SDHAF3: variants seen among roughly 807,000 people sequenced by gnomAD.
The protein encoded by SDHAF3 is succinate dehydrogenase complex assembly factor 3, also known as succinate dehydrogenase assembly factor 3, mitochondrial.
SDHAF3 carries 18 observed loss-of-function variants against 11.5 expected under a neutral mutation model. That is an observed-to-expected ratio of 1.56 (90% CI 1.08 to 2.32). The LOEUF is 2.32. Ranked by LOEUF, SDHAF3 falls within the 30% of genes most tolerant of loss-of-function variation. The pLI is 0.00. For synonymous variants in SDHAF3, 72 were observed against 59.3 expected (o/e 1.21, Z -0.99); for missense variants, 200 against 154.4 (o/e 1.30, Z -1.57).
At chr7:97,131,734 GC>G (rs1562820863) in intron 1 of SDHAF3, among the ~76,000 whole-genome samples, 1 of 152,120 alleles carries the variant, frequency 6.6e-6, no homozygotes, top group Non-Finnish European at 1.5e-5. Flanking sequence ...AACTTATTTA[GC>G]TCAATAGGAA....
chr7:97,181,259 C>T lies in SDHAF3; in HGVS notation c.*44C>T, dbSNP rs1789770210. Reference sequence around the variant, plus strand: ...ATAAGACATGCAAAAATTTAGAACCCCTACTTTAACTGTCATTGGTTTTTG... The same window carrying T: ...ATAAGACATGCAAAAATTTAGAACCTCTACTTTAACTGTCATTGGTTTTTG... On this transcript the variant is annotated 3_prime_UTR_variant, in exon 2 of 2. Transcript: ENST00000432641. 7.1e-7 allele frequency: 1 copy of T among 1,405,994 alleles called. No individual in the cohort carries two copies. Among genetic ancestry groups the T allele is most frequent in the Non-Finnish European group, 9.8e-7 (1 of 1,023,706 alleles). 87.1% of individuals were successfully genotyped at this position (1,405,994 alleles called of 1,614,324 possible). A position where few individuals can be genotyped will look rare whatever the true frequency, so the allele number is the denominator to read the frequency against.
intron 1 of SDHAF3, among the ~76,000 whole-genome samples, chr7:97,119,073 T>G (rs761791914): frequency 3.3e-5 from 5 of 152,198 alleles, no homozygotes; most frequent in Non-Finnish European, 7.3e-5. Flanking sequence ...GATCACATAA[T>G]TTTTCTAGTC....
chr7:97,165,946 A>C (rs925574491), intron 1 of SDHAF3, among the ~76,000 whole-genome samples: 3 of 152,184 alleles, frequency 2.0e-5, no homozygotes, highest in Non-Finnish European at 4.4e-5. Context: ...CATCAACAGT[A>C]AGAAGTCTGC....
chr7:97,170,730 C>A (rs1025912167), intron 1 of SDHAF3, among the ~76,000 whole-genome samples: 1 of 152,002 alleles, frequency 6.6e-6, no homozygotes, highest in Non-Finnish European at 1.5e-5. Flanking sequence ...CTGGGAGTCA[C>A]AGGTGAATCT....
Position 97,143,914 on chromosome 7 carries a change from G to A in SDHAF3, c.174+26017G>A, listed in dbSNP as rs1789094998. Among the ~76,000 whole-genome samples the A allele has an allele frequency of 2.6e-5, 4 of 152,204 alleles. No homozygotes were observed. The South Asian group carries it at 8.3e-4, about 31-fold the overall frequency. On this transcript the variant is annotated intron_variant, in intron 1 of 1. Coordinates refer to ENST00000432641, the MANE Select transcript of SDHAF3 (RefSeq NM_020186.3). Reference sequence around the variant, plus strand: ...TAATTCTTTAAGGAATCTCCACAGTGTTTTCCATAGTGGCTGTACTGGTTT... The same window carrying A: ...TAATTCTTTAAGGAATCTCCACAGTATTTTCCATAGTGGCTGTACTGGTTT...
At chr7:97,129,468 T>C (rs1202346188) in intron 1 of SDHAF3, among the ~76,000 whole-genome samples, 1 of 152,204 alleles carries the variant, frequency 6.6e-6, no homozygotes, top group Non-Finnish European at 1.5e-5. Context: ...TGTTCTCTAG[T>C]CATTATGGAT....
intron 1 of SDHAF3, among the ~76,000 whole-genome samples, chr7:97,160,821 C>T (rs1291347338): frequency 3.3e-5 from 5 of 152,134 alleles, no homozygotes; most frequent in Non-Finnish European, 7.3e-5. Context: ...GGAGAACAGT[C>T]AGTGTAGGCA....
At chr7:97,176,375 C>T (rs1163371344) in intron 1 of SDHAF3, among the ~76,000 whole-genome samples, 1 of 152,148 alleles carries the variant, frequency 6.6e-6, no homozygotes, top group Non-Finnish European at 1.5e-5. Context: ...TTCTTAGAAG[C>T]CAGCATAACA....
intron 1 of SDHAF3, among the ~76,000 whole-genome samples, chr7:97,138,347 G>A (rs932271666): frequency 6.6e-6 from 1 of 151,972 alleles, no homozygotes; most frequent in Non-Finnish European, 1.5e-5. Context: ...GTTTTTAGTA[G>A]AGACAGGGTT....
chr7:97,136,348 G>A (rs755842769), intron 1 of SDHAF3: 5 of 566,696 alleles, frequency 8.8e-6, no homozygotes, highest in African/African-American at 7.4e-5. Context: ...GTTTCTTTGT[G>A]TAAACCTGTA....
At chr7:97,147,224 A>C (rs564307822) in intron 1 of SDHAF3, among the ~76,000 whole-genome samples, 1 of 152,356 alleles carries the variant, frequency 6.6e-6, no homozygotes, top group East Asian at 1.9e-4. Context: ...AAGTATACGC[A>C]GTTATAACTA....
intron 1 of SDHAF3, among the ~76,000 whole-genome samples, chr7:97,149,746 G>A (rs1368739441): frequency 1.3e-5 from 2 of 152,278 alleles, no homozygotes; most frequent in East Asian, 1.9e-4. Context: ...ATGATGAGGG[G>A]GGTAGTTGCT....
chr7:97,154,259 A>G (rs938953553), intron 1 of SDHAF3, among the ~76,000 whole-genome samples: 3 of 152,192 alleles, frequency 2.0e-5, no homozygotes, highest in South Asian at 2.1e-4. Context: ...ACAAATCACA[A>G]TGGTGGAATG....
chr7:97,166,172 A>T (rs1390374679), intron 1 of SDHAF3, among the ~76,000 whole-genome samples: 1 of 152,222 alleles, frequency 6.6e-6, no homozygotes, highest in East Asian at 1.9e-4. Flanking sequence ...GACAAGTCTA[A>T]ACCAATTAAC....
chr7:97,131,468 A>AAC (rs1338774395), intron 1 of SDHAF3, among the ~76,000 whole-genome samples: 5 of 152,192 alleles, frequency 3.3e-5, no homozygotes, highest in African/African-American at 1.2e-4. Flanking sequence ...TGTAACTGTT[A>AAC]AACTTTTTAA....
At chr7:97,160,516 AAAG>A (rs1387549867) in intron 1 of SDHAF3, among the ~76,000 whole-genome samples, 1 of 152,180 alleles carries the variant, frequency 6.6e-6, no homozygotes, top group East Asian at 1.9e-4. Flanking sequence ...GTCTATGTAG[AAAG>A]AAGTAGACAT....
At chr7:97,130,281 A>AC (rs1177551339) in intron 1 of SDHAF3, among the ~76,000 whole-genome samples, 1 of 151,818 alleles carries the variant, frequency 6.6e-6, no homozygotes, top group Non-Finnish European at 1.5e-5. Flanking sequence ...AAAAAAAAAA[A>AC]AAAAAACCTT....
chr7:97,170,612 T>C (rs528405053), intron 1 of SDHAF3, among the ~76,000 whole-genome samples: 3 of 152,320 alleles, frequency 2.0e-5, no homozygotes, highest in Admixed American at 6.5e-5. Context: ...AGGTTTTCTA[T>C]AACATTTCCT....
intron 1 of SDHAF3, among the ~76,000 whole-genome samples, chr7:97,151,445 G>T (rs1300622059): frequency 3.3e-5 from 5 of 151,896 alleles, no homozygotes; most frequent in African/African-American, 4.8e-5. Flanking sequence ...ATATCTCGGG[G>T]AGCAGCCCTC....
Sources: allele counts gnomAD v4.1 joint callset (sites outside exome capture counted in the v4.1 genomes callset), GRCh38; gene constraint gnomAD v4.1.1; transcripts MANE v1.5; gene names NCBI Gene and HGNC (gene_info 2026-07-23, HGNC 2026-07-21).